Variants in OPCML observed in about 807,000 individuals in gnomAD.
The protein encoded by OPCML is opioid binding protein/cell adhesion molecule like.
OPCML carries 13 observed loss-of-function variants against 37.8 expected under a neutral mutation model. That is an observed-to-expected ratio of 0.34 (90% CI 0.22 to 0.55). The LOEUF (loss-of-function observed/expected upper bound fraction) is 0.55. OPCML is among the 20% of genes least tolerant of loss of function. OPCML has a pLI of 0.91. For missense variants in OPCML, 341 were observed against 435.6 expected (o/e 0.78, Z 1.93); for synonymous variants, 176 against 168.8 (o/e 1.04, Z -0.33).
intron 3 of OPCML, among the ~76,000 whole-genome samples, chr11:132,612,574 T>A (rs993417306): frequency 2.6e-5 from 4 of 151,612 alleles, no homozygotes; most frequent in African/African-American, 9.7e-5. Context: ...AAGCTGGGGG[T>A]TGATAGCAGG....
intron 1 of OPCML, among the ~76,000 whole-genome samples, chr11:133,086,769 C>T (rs1271588506): frequency 6.6e-6 from 1 of 152,214 alleles, no homozygotes; most frequent in East Asian, 1.9e-4. Flanking sequence ...CTGGTAACCA[C>T]TGTTCTACTC....
intron 1 of OPCML, among the ~76,000 whole-genome samples, chr11:133,457,186 C>G (rs1195328013): frequency 6.6e-6 from 1 of 152,048 alleles, no homozygotes; most frequent in Non-Finnish European, 1.5e-5. Context: ...ACTTACAGGC[C>G]AGAGAAAATT....
At chr11:133,470,211 C>T (rs1332574123) in intron 1 of OPCML, among the ~76,000 whole-genome samples, 1 of 151,960 alleles carries the variant, frequency 6.6e-6, no homozygotes, top group Non-Finnish European at 1.5e-5. Flanking sequence ...TTTTTTTAAT[C>T]CCAGAAGTCA....
chr11:133,098,418 T>C (rs977754981), intron 1 of OPCML, among the ~76,000 whole-genome samples: 1 of 152,084 alleles, frequency 6.6e-6, no homozygotes, highest in Non-Finnish European at 1.5e-5. Context: ...GGTTTCACCA[T>C]GTTAGCCAGG....
intron 1 of OPCML, among the ~76,000 whole-genome samples, chr11:133,495,932 T>G (rs543590458): frequency 6.6e-6 from 1 of 152,326 alleles, no homozygotes; most frequent in South Asian, 2.1e-4. Flanking sequence ...ATCATTGTTT[T>G]TATTGCATTT....
intron 1 of OPCML, among the ~76,000 whole-genome samples, chr11:133,481,955 T>C (rs1446203964): frequency 2.0e-5 from 3 of 152,130 alleles, no homozygotes; most frequent in Non-Finnish European, 4.4e-5. Flanking sequence ...AGAAACCTAA[T>C]GGGCTTCGAG....
chr11:133,286,109 C>T (rs1942288769), intron 1 of OPCML, among the ~76,000 whole-genome samples: 1 of 152,208 alleles, frequency 6.6e-6, no homozygotes, highest in East Asian at 1.9e-4. Context: ...CCTTCTGCCC[C>T]ACCCAGCCCC....
At chr11:133,458,743 G>T (rs1212880083) in intron 1 of OPCML, among the ~76,000 whole-genome samples, 3 of 145,322 alleles carry the variant, frequency 2.1e-5, no homozygotes, top group Non-Finnish European at 4.5e-5. Flanking sequence ...AGATGCACGT[G>T]TGTGTATATA....
At chr11:133,416,164 G>T (rs1945759627) in intron 1 of OPCML, among the ~76,000 whole-genome samples, 1 of 151,514 alleles carries the variant, frequency 6.6e-6, no homozygotes, top group African/African-American at 2.4e-5. Flanking sequence ...CTGCCTATCT[G>T]ACTGCCCTGC....
intron 4 of OPCML, among the ~76,000 whole-genome samples, chr11:132,441,158 C>CTTTTTTTTTTTTTTTTTTTTTTTTTTTT (rs749099654): frequency 1.9e-5 from 2 of 108,050 alleles, no homozygotes; most frequent in African/African-American, 8.8e-5. Context: ...TCACCAAGGA[C>CTTTTTTTTTTTTTTTTTTTTTTTTTTTT]TTTTTTGTTT....
intron 2 of OPCML, among the ~76,000 whole-genome samples, chr11:132,819,591 G>A (rs984710391): frequency 6.6e-6 from 1 of 152,098 alleles, no homozygotes; most frequent in Non-Finnish European, 1.5e-5. Context: ...TGGGAGGAAT[G>A]AATATTTTAA....
intron 1 of OPCML, chr11:133,007,403 T>A (rs1947133526): frequency 4.1e-6 from 4 of 985,436 alleles, no homozygotes; most frequent in Non-Finnish European, 4.8e-6. Context: ...TATCGCCCCA[T>A]TAAAGAGTCA....
intron 4 of OPCML, among the ~76,000 whole-genome samples, chr11:132,450,454 C>T (rs1434077980): frequency 2.0e-5 from 3 of 151,996 alleles, no homozygotes; most frequent in East Asian, 1.9e-4. Context: ...CCTGGTGCCT[C>T]GACGGTGGTG....
chr11:133,360,743 G>A (rs759766961), intron 1 of OPCML: 2 of 152,190 alleles, frequency 1.3e-5, no homozygotes, highest in Non-Finnish European at 2.9e-5. Context: ...CCACGGCCAC[G>A]TGGGGAATAT....
chr11:133,082,016 G>C (rs987222249), intron 1 of OPCML, among the ~76,000 whole-genome samples: 57 of 152,184 alleles, frequency 3.7e-4, no homozygotes, highest in African/African-American at 1.3e-3. Flanking sequence ...AGTGTGCCCA[G>C]AGTCCTGCCG....
At chr11:133,245,125 A>G (rs1940873889) in intron 1 of OPCML, among the ~76,000 whole-genome samples, 1 of 152,204 alleles carries the variant, frequency 6.6e-6, no homozygotes, top group Non-Finnish European at 1.5e-5. Context: ...AGTTGCAATC[A>G]GGTCTCAAGG....
intron 1 of OPCML, among the ~76,000 whole-genome samples, chr11:133,318,285 C>T (rs182148184): frequency 6.6e-6 from 1 of 152,316 alleles, no homozygotes; most frequent in East Asian, 1.9e-4. Flanking sequence ...CCTTGTAAAA[C>T]ACAGCTGCAG....
chr11:133,498,900 G>A (rs547207808), intron 1 of OPCML, among the ~76,000 whole-genome samples: 1 of 152,316 alleles, frequency 6.6e-6, no homozygotes, highest in South Asian at 2.1e-4. Flanking sequence ...AAGATGGAAT[G>A]ATGGCTTTAT....
At chr11:133,127,573 C>T (rs1949535903) in intron 1 of OPCML, among the ~76,000 whole-genome samples, 1 of 151,094 alleles carries the variant, frequency 6.6e-6, no homozygotes, top group Non-Finnish European at 1.5e-5. Context: ...GTGGAGGATG[C>T]AGTGGGCTGA....
Sources: gnomAD v4.1 joint callset for allele counts (sites outside exome capture counted in the v4.1 genomes callset) on GRCh38, gnomAD v4.1.1 for gene constraint, MANE v1.5 for transcripts, NCBI Gene and HGNC (gene_info 2026-07-23, HGNC 2026-07-21) for gene names.